The following XYLT1 variants were observed in gnomAD, a reference collection of about 807,000 sequenced individuals.
XYLT1 encodes xylosyltransferase 1.
Under a neutral mutation model 91.3 loss-of-function variants are expected in XYLT1, and 36 were observed. The ratio of observed to expected loss-of-function variants is 0.39; its 90% CI spans 0.30 to 0.52. The LOEUF (loss-of-function observed/expected upper bound fraction) is 0.52. Ranked by LOEUF, XYLT1 falls within the 20% of genes least tolerant of loss-of-function variation. The pLI is 0.68. For missense variants in XYLT1, 1,242 were observed against 1,284.5 expected, an observed-to-expected ratio of 0.97 and a Z score of 0.51; for synonymous variants, 588 against 532.0, an observed-to-expected ratio of 1.11 and a Z score of -1.45.
intron 2 of XYLT1, among the ~76,000 whole-genome samples, chr16:17,308,880 A>C (rs2034504243): frequency 6.6e-6 from 1 of 152,194 alleles, no homozygotes; most frequent in Non-Finnish European, 1.5e-5. Context: ...AGTAAAATAC[A>C]AAGAGCATTT....
intron 3 of XYLT1, among the ~76,000 whole-genome samples, chr16:17,245,076 CA>C (rs113031867): frequency 1.6e-4 from 24 of 152,196 alleles, no homozygotes; most frequent in African/African-American, 5.3e-4. Flanking sequence ...TAAAGAAAAA[CA>C]AAAATGTACA....
chr16:17,340,568 T>G (rs1183006742), intron 2 of XYLT1, among the ~76,000 whole-genome samples: 1 of 152,166 alleles, frequency 6.6e-6, no homozygotes, highest in Admixed American at 6.5e-5. Context: ...TAGTTAAGAG[T>G]TCTGCGTAGG....
chr16:17,195,371 C>G (rs1343160772), intron 5 of XYLT1, among the ~76,000 whole-genome samples: 1 of 152,142 alleles, frequency 6.6e-6, no homozygotes. Flanking sequence ...TATTCAGAGG[C>G]CTTTCTGACC....
In XYLT1 at chr16:17,259,446, T is replaced by C. The variant is rs950762345; in HGVS notation, c.455A>G (p.Asn152Ser). The stretch of plus-strand genomic sequence containing the variant: ...AAAGTCTTTGGGGACAGAGTTCTCG[T>C]TGTTGCTGTCTGTTCGCACTTTCTC... ...PKEKVRTDSN[N>S]ENSVPKDFEN... The change falls in exon 3 of 12, where the codon AAC becomes AGC. Residue 152 changes from asparagine (N) to serine (S), a missense_variant. Asn to Ser is a conservative substitution (Grantham distance 46). Transcript: ENST00000261381. 1 of 1,613,532 alleles carries C rather than the reference T, an allele frequency of 6.2e-7. No individual in the cohort carries two copies. The highest frequency in any genetic ancestry group is 1.1e-5 in the South Asian group (1 of 91,076).
At chr16:17,332,144 C>T (rs543778950) in intron 2 of XYLT1, among the ~76,000 whole-genome samples, 4 of 152,356 alleles carry the variant, frequency 2.6e-5, no homozygotes, top group Admixed American at 2.6e-4. Context: ...TGCACAGCAC[C>T]TGCTTCCCTG....
At chr16:17,381,285 A>C (rs1207688447) in intron 1 of XYLT1, among the ~76,000 whole-genome samples, 1 of 152,204 alleles carries the variant, frequency 6.6e-6, no homozygotes, top group Non-Finnish European at 1.5e-5. Context: ...TACAGATATC[A>C]AAACTCATCA....
chr16:17,115,472 T>C (rs957863784), intron 11 of XYLT1, among the ~76,000 whole-genome samples: 2 of 124,212 alleles, frequency 1.6e-5, no homozygotes, highest in African/African-American at 5.7e-5. Flanking sequence ...CAAAAGAGCC[T>C]GACCTAAATT....
At chr16:17,241,988 G>A (rs567954429) in intron 3 of XYLT1, among the ~76,000 whole-genome samples, 5 of 152,302 alleles carry the variant, frequency 3.3e-5, no homozygotes, top group East Asian at 1.9e-4. Context: ...CTACATGGCC[G>A]CAGGCAAGAG....
intron 2 of XYLT1, among the ~76,000 whole-genome samples, chr16:17,297,178 C>T (rs1279792488): frequency 6.6e-6 from 1 of 152,198 alleles, no homozygotes; most frequent in Non-Finnish European, 1.5e-5. Flanking sequence ...AATGAATCCC[C>T]TTTCCATCTG....
chr16:17,144,406 A>C (rs2031079763), intron 6 of XYLT1, among the ~76,000 whole-genome samples: 1 of 152,202 alleles, frequency 6.6e-6, no homozygotes, highest in Non-Finnish European at 1.5e-5. Flanking sequence ...GGCACATATA[A>C]CCATAGGTTA....
intron 1 of XYLT1, among the ~76,000 whole-genome samples, chr16:17,380,375 C>G (rs1197181987): frequency 6.6e-6 from 1 of 152,154 alleles, no homozygotes; most frequent in Non-Finnish European, 1.5e-5. Flanking sequence ...AGTTGACTCT[C>G]AGTAACTCTG....
At chr16:17,398,647 T>C (rs2035921100) in intron 1 of XYLT1, among the ~76,000 whole-genome samples, 1 of 151,920 alleles carries the variant, frequency 6.6e-6, no homozygotes, top group Non-Finnish European at 1.5e-5. Flanking sequence ...GTTGGTAGGG[T>C]TGGTTCCTTT....
chr16:17,466,855 G>A (rs759502712), intron 1 of XYLT1, among the ~76,000 whole-genome samples: 4 of 151,646 alleles, frequency 2.6e-5, no homozygotes, highest in Admixed American at 6.6e-5. Context: ...AGTGTAATGC[G>A]TCGCTCAAAC....
chr16:17,213,683 G>T (rs1268998822), intron 3 of XYLT1, among the ~76,000 whole-genome samples: 1 of 151,848 alleles, frequency 6.6e-6, no homozygotes, highest in East Asian at 1.9e-4. Flanking sequence ...CAGTAGTGAG[G>T]TCTCTGCTCA....
chr16:17,465,885 GAGGT>G (rs2036890448), intron 1 of XYLT1, among the ~76,000 whole-genome samples: 2 of 152,166 alleles, frequency 1.3e-5, no homozygotes, highest in South Asian at 4.1e-4. Context: ...ACAGCCCTAT[GAGGT>G]AGCTCAGATT....
chr16:17,265,709 C>T (rs746025605), intron 2 of XYLT1, among the ~76,000 whole-genome samples: 5 of 152,064 alleles, frequency 3.3e-5, no homozygotes, highest in African/African-American at 1.2e-4. Flanking sequence ...AAGCAGGTTA[C>T]CTGACCCACG....
At chr16:17,343,645 T>A (rs1227650323) in intron 2 of XYLT1, among the ~76,000 whole-genome samples, 3 of 152,106 alleles carry the variant, frequency 2.0e-5, no homozygotes, top group Non-Finnish European at 4.4e-5. Flanking sequence ...TTATGTTTTA[T>A]TTTTTTGTAG....
At chr16:17,109,459 T>C (rs1466370403) in intron 11 of XYLT1, among the ~76,000 whole-genome samples, 1 of 152,070 alleles carries the variant, frequency 6.6e-6, no homozygotes, top group Non-Finnish European at 1.5e-5. Context: ...GATAGGAAGG[T>C]TAAGATCCAG....
At chr16:17,196,135 G>C (rs2032422681) in intron 5 of XYLT1, among the ~76,000 whole-genome samples, 1 of 152,134 alleles carries the variant, frequency 6.6e-6, no homozygotes, top group Non-Finnish European at 1.5e-5. Flanking sequence ...GCAGTCTAGG[G>C]TCTCCCAGCA....
Sources: gnomAD v4.1 joint callset for allele counts (sites outside exome capture counted in the v4.1 genomes callset) on GRCh38, gnomAD v4.1.1 for gene constraint, MANE v1.5 for transcripts, NCBI Gene and HGNC (gene_info 2026-07-23, HGNC 2026-07-21) for gene names.